Variants in ZFHX3 observed in about 807,000 individuals in gnomAD.
ZFHX3 encodes zinc finger homeobox 3.
Under a neutral mutation model 279.1 loss-of-function variants are expected in ZFHX3, and 42 were observed. The observed-to-expected ratio is 0.15, with a 90% CI of 0.12 to 0.19. The LOEUF is 0.19. Ranked by LOEUF, ZFHX3 falls within the 10% of genes least tolerant of loss-of-function variation. The pLI is 1.00. For missense variants in ZFHX3, 4,981 were observed against 4,754.0 expected, an observed-to-expected ratio of 1.05 and a Z score of -1.40; for synonymous variants, 2,293 against 1,957.8, an observed-to-expected ratio of 1.17 and a Z score of -4.52.
chr16:73,788,636 G>A (rs950315053), intron 1 of ZFHX3, among the ~76,000 whole-genome samples: 2 of 151,844 alleles, frequency 1.3e-5, no homozygotes, highest in African/African-American at 4.8e-5. Context: ...AGTAACAACT[G>A]AATTGAAAGA....
At chr16:73,810,368 GT>G (rs1960394485) in intron 1 of ZFHX3, among the ~76,000 whole-genome samples, 1 of 152,200 alleles carries the variant, frequency 6.6e-6, no homozygotes, top group African/African-American at 2.4e-5. Flanking sequence ...TGCATAGAAA[GT>G]TTACAAATAA....
intron 4 of ZFHX3, among the ~76,000 whole-genome samples, chr16:73,283,721 A>T (rs927010832): frequency 5.3e-5 from 8 of 152,202 alleles, no homozygotes; most frequent in Admixed American, 1.3e-4. Flanking sequence ...AAATACTTTA[A>T]AAATACATTT....
At chr16:73,072,793 C>T (rs1965841191) in intron 8 of ZFHX3, among the ~76,000 whole-genome samples, 1 of 152,188 alleles carries the variant, frequency 6.6e-6, no homozygotes, top group South Asian at 2.1e-4. Context: ...TGGTCTCGAA[C>T]TCCTGGCTTC....
chr16:73,225,943 C>T (rs1007009513), intron 5 of ZFHX3, among the ~76,000 whole-genome samples: 5 of 152,316 alleles, frequency 3.3e-5, no homozygotes, highest in South Asian at 2.1e-4. Flanking sequence ...CCTACACTCT[C>T]GAGCACCTGA....
intron 5 of ZFHX3, among the ~76,000 whole-genome samples, chr16:73,196,854 G>A (rs542606900): frequency 4.6e-5 from 7 of 152,296 alleles, no homozygotes; most frequent in African/African-American, 1.4e-4. Flanking sequence ...CCACATGAAA[G>A]GCACTAAGTG....
chr16:73,023,163 G>C (rs1259529399), intron 1 of ZFHX3, among the ~76,000 whole-genome samples: 1 of 152,218 alleles, frequency 6.6e-6, no homozygotes, highest in Non-Finnish European at 1.5e-5. Flanking sequence ...GGAGGCAGAG[G>C]CTGCAGTGAG....
intron 1 of ZFHX3, among the ~76,000 whole-genome samples, chr16:73,886,807 C>T (rs2030361072): frequency 6.6e-6 from 1 of 152,182 alleles, no homozygotes. Flanking sequence ...AACATGTTTT[C>T]TATCACTGTG....
At chr16:73,508,056 C>T (rs539182913) in intron 2 of ZFHX3, among the ~76,000 whole-genome samples, 40 of 152,274 alleles carry the variant, frequency 2.6e-4, no homozygotes, top group African/African-American at 9.1e-4. Flanking sequence ...CCCTCAAATG[C>T]TCATTGATCC....
chr16:73,507,653 G>A (rs1165404581), intron 2 of ZFHX3, among the ~76,000 whole-genome samples: 1 of 151,792 alleles, frequency 6.6e-6, no homozygotes, highest in African/African-American at 2.4e-5. Flanking sequence ...ACGCCACCAT[G>A]CCTGGCTGAT....
At chr16:73,813,472 G>A (rs1223522512) in intron 1 of ZFHX3, among the ~76,000 whole-genome samples, 1 of 151,816 alleles carries the variant, frequency 6.6e-6, no homozygotes, top group South Asian at 2.1e-4. Flanking sequence ...TATCATTTGT[G>A]TACTTTTCTG....
intron 4 of ZFHX3, among the ~76,000 whole-genome samples, chr16:72,867,013 G>C (rs2038038927): frequency 6.6e-6 from 1 of 152,178 alleles, no homozygotes; most frequent in African/African-American, 2.4e-5. Context: ...TTCTTAATTT[G>C]GAGAGGGAAC....
intron 1 of ZFHX3, among the ~76,000 whole-genome samples, chr16:73,695,287 G>A (rs2053187625): frequency 6.7e-6 from 1 of 149,982 alleles, no homozygotes; most frequent in Admixed American, 6.6e-5. Context: ...CCAGGCTGGA[G>A]TGCAGTGGCG....
At chr16:73,019,554 T>C (rs970954399) in intron 1 of ZFHX3, among the ~76,000 whole-genome samples, 1 of 152,170 alleles carries the variant, frequency 6.6e-6, no homozygotes, top group African/African-American at 2.4e-5. Flanking sequence ...AACAGCACTT[T>C]GCCTCCCCAA....
chr16:73,806,155 G>C (rs1960270546), intron 1 of ZFHX3, among the ~76,000 whole-genome samples: 1 of 152,192 alleles, frequency 6.6e-6, no homozygotes, highest in Admixed American at 6.5e-5. Flanking sequence ...CAGCAGGGCA[G>C]AAATTGCCCC....
intron 5 of ZFHX3, among the ~76,000 whole-genome samples, chr16:73,201,027 T>A (rs1968256363): frequency 1.3e-5 from 2 of 152,218 alleles, no homozygotes; most frequent in Non-Finnish European, 2.9e-5. Context: ...GGAAGCACCT[T>A]TCCCTGCTCT....
rs16972684 is a variant in ZFHX3 at position 73,840,685 on chromosome 16, A to G, written c.-1608+50966T>C. Among the ~76,000 whole-genome samples, 510 of 152,328 alleles carry G rather than the reference A, an allele frequency of 3.3e-3. 2 individuals are homozygous for G. The highest frequency in any genetic ancestry group is 0.012 in the African/African-American group (484 of 41,568). ...AGGCACTGTACAGTTGTGGTTCTCGATAATTCCTTGTCAATTCCCATATAC... is the reference window on the plus strand; with the variant it reads ...AGGCACTGTACAGTTGTGGTTCTCGGTAATTCCTTGTCAATTCCCATATAC... On this transcript the variant is annotated intron_variant, in intron 1 of 17. Transcript: ENST00000641206.
chr16:73,483,571 A>G (rs1330806640), intron 2 of ZFHX3: 1 of 345,618 alleles, frequency 2.9e-6, no homozygotes, highest in Non-Finnish European at 5.7e-6. Flanking sequence ...GCTGCCTACA[A>G]GGGCCTACCA....
At chr16:73,301,561 G>C (rs1338370593) in intron 4 of ZFHX3, among the ~76,000 whole-genome samples, 1 of 152,176 alleles carries the variant, frequency 6.6e-6, no homozygotes, top group African/African-American at 2.4e-5. Flanking sequence ...CCTCTGGACA[G>C]GGTTAGGGGG....
chr16:73,496,779 T>C (rs1404850140), intron 2 of ZFHX3, among the ~76,000 whole-genome samples: 2 of 151,400 alleles, frequency 1.3e-5, no homozygotes, highest in African/African-American at 4.9e-5. Context: ...ATTTGCCAAA[T>C]GGGAGGCACT....
Sources: gnomAD v4.1 joint callset for allele counts (sites outside exome capture counted in the v4.1 genomes callset) on GRCh38, gnomAD v4.1.1 for gene constraint, MANE v1.5 for transcripts, NCBI Gene and HGNC (gene_info 2026-07-23, HGNC 2026-07-21) for gene names.